The following GAB2 variants were observed in gnomAD, a reference collection of about 807,000 sequenced individuals.
The protein encoded by GAB2 is GRB2-associated-binding protein 2.
In GAB2, 26 loss-of-function variants were observed where a neutral mutation model predicts 65.5. That is an observed-to-expected ratio of 0.40 (90% CI 0.29 to 0.55). The LOEUF is 0.55. GAB2 is among the 20% of genes least tolerant of loss of function. GAB2 has a pLI of 0.53. For missense variants in GAB2, 884 were observed against 875.8 expected (o/e 1.01, Z -0.12); for synonymous variants, 321 against 329.6 (o/e 0.97, Z 0.28).
At chr11:78,223,799 AGGGAGACCTTG>A (rs1168188745) in intron 5 of GAB2, 123 bp from the exon 6 acceptor site, 44 of 825,452 alleles carry the variant, frequency 5.3e-5, no homozygotes, top group Admixed American at 3.0e-4. Flanking sequence ...TGAAGCTGTA[AGGGAGACCTTG>A]GGGAGACCAA....
At chr11:78,288,382 GAAA>G (rs369041941) in intron 1 of GAB2, among the ~76,000 whole-genome samples, 6 of 119,558 alleles carry the variant, frequency 5.0e-5, no homozygotes, top group South Asian at 2.7e-4. Flanking sequence ...CCATCTCAAA[GAAA>G]AAAAAAAAAA....
chr11:78,269,033 T>C (rs1437858973), intron 2 of GAB2, among the ~76,000 whole-genome samples: 1 of 143,910 alleles, frequency 6.9e-6, no homozygotes, highest in African/African-American at 2.6e-5. Flanking sequence ...AACCTTTTTT[T>C]CTTTCTTTTT....
rs980871840 is a variant in GAB2 at position 78,220,386 on chromosome 11, T to C, written c.1820A>G (p.Lys607Arg). ...PSGTNSPAPK[K>R]STGSVDYLAL... Reference sequence around the variant, plus strand: ...CAGATAATCAACGCTGCCGGTGCTCTTCTTAGGGGCAGGACTGTTCGTGCC... The same window carrying C: ...CAGATAATCAACGCTGCCGGTGCTCCTCTTAGGGGCAGGACTGTTCGTGCC... The change falls in exon 9 of 10, where the codon AAG (lysine) becomes AGG (arginine). Residue 607 changes from lysine to arginine, a missense_variant. Transcript: ENST00000361507. 6.2e-7 allele frequency: 1 copy of C among 1,612,648 alleles called. No homozygotes were observed. The highest frequency in any genetic ancestry group is 8.5e-7 in the Non-Finnish European group (1 of 1,179,034).
rs549012788 is a variant in GAB2, at chr11:78,344,304, G to C, written c.76-63403C>G. Among the ~76,000 whole-genome samples the C allele has an allele frequency of 1.9e-4, 29 of 152,216 alleles. No individual in the cohort carries two copies. The South Asian group carries it at 6.0e-3, about 32-fold the overall frequency. The stretch of plus-strand genomic sequence containing the variant: ...AAACAGTATGATTAAGAAGCTAAGT[G>C]ATCTTAGTCATAAGGTAATGGCAGA... On this transcript the variant is annotated intron_variant, in intron 1 of 9. Transcript: ENST00000361507.
At chr11:78,277,420 C>G (rs1866202890) in intron 2 of GAB2, among the ~76,000 whole-genome samples, 1 of 152,166 alleles carries the variant, frequency 6.6e-6, no homozygotes, top group African/African-American at 2.4e-5. Flanking sequence ...CGGTTAAACT[C>G]TCTAAAATAA....
intron 2 of GAB2, among the ~76,000 whole-genome samples, chr11:78,254,783 G>C (rs1331136129): frequency 1.3e-5 from 2 of 151,110 alleles, no homozygotes; most frequent in African/African-American, 4.9e-5. Context: ...AGATGACAGA[G>C]TGACACCTTG....
intron 2 of GAB2, among the ~76,000 whole-genome samples, chr11:78,275,363 A>C (rs1204702344): frequency 2.0e-5 from 3 of 152,238 alleles, no homozygotes; most frequent in Non-Finnish European, 4.4e-5. Context: ...TGATTAAATG[A>C]AATAGGCTAC....
In GAB2 at chr11:78,408,820, G is replaced by A. The variant is rs575797069; in HGVS notation, c.75+8826C>T. 3.3e-5 allele frequency among the ~76,000 whole-genome samples: 5 copies of A among 152,236 alleles called. No homozygotes were observed. The South Asian group carries it at 1.0e-3, about 32-fold the overall frequency. ...CCCTCACTCTCTTCCTCCTGCTCCA[G>A]CCATGTAAGATGTGCCTGCTTCTCC... On this transcript the variant is annotated intron_variant, in intron 1 of 9. Transcript: ENST00000361507.
At chr11:78,238,206 C>CAAAAAAAAAAAA (rs10541492) in intron 3 of GAB2, among the ~76,000 whole-genome samples, 8 of 104,802 alleles carry the variant, frequency 7.6e-5, no homozygotes, top group East Asian at 2.6e-4. Context: ...AGGGAAGAAA[C>CAAAAAAAAAAAA]AAAAAAAAAA....
chr11:78,247,824 T>TC (rs1177185208), intron 3 of GAB2, among the ~76,000 whole-genome samples: 3 of 152,194 alleles, frequency 2.0e-5, no homozygotes, highest in African/African-American at 7.2e-5. Flanking sequence ...CTTCCTACCC[T>TC]CCCAACTTCC....
At chr11:78,367,583 GC>G (rs1171983268) in intron 1 of GAB2, among the ~76,000 whole-genome samples, 1 of 152,138 alleles carries the variant, frequency 6.6e-6, no homozygotes, top group Non-Finnish European at 1.5e-5. Flanking sequence ...TGCAGGCCAA[GC>G]AAAACACTTT....
intron 2 of GAB2, among the ~76,000 whole-genome samples, chr11:78,272,837 G>A (rs2512543): frequency 0.16 from 23,931 of 152,082 alleles, 2,433 homozygotes; most frequent in East Asian, 0.4. Flanking sequence ...TTTGTGGGCC[G>A]GGCCCAGGGT....
chr11:78,250,466 T>G, intron 2 of GAB2, 66 bp from the exon 3 acceptor site: 1 of 1,433,496 alleles, frequency 7.0e-7, no homozygotes. Flanking sequence ...CAAAGTGAGT[T>G]GTCAGAGGAA....
At chr11:78,388,200 T>C (rs1856792728) in intron 1 of GAB2, 1 of 152,048 alleles carries the variant, frequency 6.6e-6, no homozygotes, top group African/African-American at 2.4e-5. Context: ...AATTTTTCTA[T>C]TTTTCAGTAG....
chr11:78,396,661 G>A (rs1255449821), intron 1 of GAB2, among the ~76,000 whole-genome samples: 1 of 151,792 alleles, frequency 6.6e-6, no homozygotes, highest in Non-Finnish European at 1.5e-5. Context: ...AGGCTGGAGT[G>A]CTCTCAGGTC....
intron 1 of GAB2, among the ~76,000 whole-genome samples, chr11:78,396,845 C>A (rs1378701572): frequency 6.6e-6 from 1 of 152,206 alleles, no homozygotes; most frequent in African/African-American, 2.4e-5. Flanking sequence ...GATCCACCCA[C>A]CTCAGCCTCC....
intron 1 of GAB2, among the ~76,000 whole-genome samples, chr11:78,292,003 GGTGTGTGT>G (rs71877307): frequency 4.7e-5 from 7 of 147,792 alleles, no homozygotes; most frequent in South Asian, 2.2e-4. Context: ...GGTGTGTAGG[GGTGTGTGT>G]GTGTGTGTGT....
At chr11:78,247,606 A>G (rs571244680) in intron 3 of GAB2, among the ~76,000 whole-genome samples, 1 of 152,346 alleles carries the variant, frequency 6.6e-6, no homozygotes, top group East Asian at 1.9e-4. Context: ...GGAACATCAT[A>G]GGAAAAGCCA....
intron 1 of GAB2, among the ~76,000 whole-genome samples, chr11:78,287,420 G>T (rs916699287): frequency 7.9e-5 from 12 of 152,068 alleles, no homozygotes; most frequent in Non-Finnish European, 1.0e-4. Context: ...TGAGATCACA[G>T]GTGCATGCCA....
Sources: allele counts gnomAD v4.1 joint callset (sites outside exome capture counted in the v4.1 genomes callset), GRCh38; gene constraint gnomAD v4.1.1; transcripts MANE v1.5; gene names NCBI Gene and HGNC (gene_info 2026-07-23, HGNC 2026-07-21).